Variants in ENTREP2 observed in about 807,000 individuals in gnomAD.
ENTREP2 encodes the protein protein ENTREP2.
the ENTREP2 span, among the ~76,000 whole-genome samples, chr15:29,288,087 G>A: frequency 2.2e-4 from 33 of 152,116 alleles, no homozygotes; most frequent in African/African-American, 7.2e-4. Context: ...ATTTACTTTC[G>A]GTAAACTGTA....
At chr15:29,209,421 C>T in the ENTREP2 span, among the ~76,000 whole-genome samples, 1 of 152,092 alleles carries the variant, frequency 6.6e-6, no homozygotes, top group East Asian at 1.9e-4. Context: ...GATATCACTT[C>T]AACCCAGGAG....
chr15:29,614,726 T>A, the ENTREP2 span, among the ~76,000 whole-genome samples: 1 of 152,138 alleles, frequency 6.6e-6, no homozygotes. Flanking sequence ...GTCCACGTAG[T>A]AGCCAGCACT....
chr15:29,246,925 TA>T, the ENTREP2 span, among the ~76,000 whole-genome samples: 12 of 142,936 alleles, frequency 8.4e-5, no homozygotes, highest in Admixed American at 5.7e-4. Context: ...CCCACGTGTG[TA>T]AAAAAAAATC....
chr15:29,186,665 C>G, the ENTREP2 span, among the ~76,000 whole-genome samples: 1 of 152,318 alleles, frequency 6.6e-6, no homozygotes, highest in Middle Eastern at 3.4e-3. Context: ...GATTCCACAT[C>G]TGACCCATCA....
the ENTREP2 span, among the ~76,000 whole-genome samples, chr15:29,195,516 T>C: frequency 6.6e-6 from 1 of 152,178 alleles, no homozygotes; most frequent in African/African-American, 2.4e-5. Context: ...CACATCTTTT[T>C]ATATTTATTT....
chr15:29,532,631 G>A, the ENTREP2 span, among the ~76,000 whole-genome samples: 1 of 152,148 alleles, frequency 6.6e-6, no homozygotes, highest in Non-Finnish European at 1.5e-5. Flanking sequence ...TAAATGGGTT[G>A]TCCAAGTTAA....
At chr15:29,587,723 G>C in the ENTREP2 span, among the ~76,000 whole-genome samples, 11 of 152,158 alleles carry the variant, frequency 7.2e-5, no homozygotes, top group Non-Finnish European at 1.2e-4. Flanking sequence ...GCAGTGGTAT[G>C]ATCTCAGCTC....
At chr15:29,387,026 C>T in the ENTREP2 span, among the ~76,000 whole-genome samples, 1 of 152,122 alleles carries the variant, frequency 6.6e-6, no homozygotes, top group Non-Finnish European at 1.5e-5. Flanking sequence ...CCAGAACTTC[C>T]AACACTATGT....
the ENTREP2 span, among the ~76,000 whole-genome samples, chr15:29,137,760 C>T: frequency 2.0e-5 from 3 of 152,240 alleles, no homozygotes; most frequent in South Asian, 4.2e-4. Context: ...TGCTTGAACC[C>T]GGGAGGCGGA....
At chr15:29,125,912 T>A in the ENTREP2 span, among the ~76,000 whole-genome samples, 87,954 of 152,094 alleles carry the variant, frequency 0.58, 29,580 homozygotes, top group Middle Eastern at 0.79. Context: ...CTCCAGCTGA[T>A]GACACCCCCA....
chr15:29,135,949 C>A, the ENTREP2 span, among the ~76,000 whole-genome samples: 7 of 152,152 alleles, frequency 4.6e-5, no homozygotes, highest in Non-Finnish European at 1.0e-4. This position sits in a 1 kb window ranked among gnomAD's most constrained non-coding sequence, Gnocchi z 7.4. Context: ...GGGGCTCTCC[C>A]CTTGGGTCAG....
At chr15:29,275,876 C>T in the ENTREP2 span, among the ~76,000 whole-genome samples, 3 of 152,326 alleles carry the variant, frequency 2.0e-5, no homozygotes, top group East Asian at 5.8e-4. Flanking sequence ...ATGAGCTGTT[C>T]TCTGCCTTTT....
At chr15:29,271,632 T>C in the ENTREP2 span, among the ~76,000 whole-genome samples, 1 of 152,090 alleles carries the variant, frequency 6.6e-6, no homozygotes, top group South Asian at 2.1e-4. Context: ...GTTCTGTTTC[T>C]CTCTGACCAC....
At chr15:29,276,871 G>A in the ENTREP2 span, among the ~76,000 whole-genome samples, 1 of 152,170 alleles carries the variant, frequency 6.6e-6, no homozygotes, top group African/African-American at 2.4e-5. Context: ...TTGGAGCTAG[G>A]GAAGGTTAAA....
At chr15:29,221,358 C>G in the ENTREP2 span, among the ~76,000 whole-genome samples, 8 of 151,582 alleles carry the variant, frequency 5.3e-5, no homozygotes, top group Non-Finnish European at 1.2e-4. Flanking sequence ...CCCACCACCA[C>G]GCCCAGCTAA....
At chr15:29,133,681 T>C in the ENTREP2 span, among the ~76,000 whole-genome samples, 1 of 152,212 alleles carries the variant, frequency 6.6e-6, no homozygotes, top group Non-Finnish European at 1.5e-5. Flanking sequence ...CCCTGTAGCC[T>C]GTCGTGTGTG....
the ENTREP2 span, among the ~76,000 whole-genome samples, chr15:29,185,104 T>C: frequency 6.6e-6 from 1 of 151,818 alleles, no homozygotes; most frequent in Non-Finnish European, 1.5e-5. Context: ...AGTTATTAGC[T>C]AGTTCAACAT....
chr15:29,487,122 T>C, the ENTREP2 span, among the ~76,000 whole-genome samples: 4 of 152,234 alleles, frequency 2.6e-5, no homozygotes, highest in African/African-American at 7.2e-5. Context: ...TATACACATA[T>C]TGAAATATCA....
the ENTREP2 span, among the ~76,000 whole-genome samples, chr15:29,377,736 G>A: frequency 2.0e-5 from 3 of 151,608 alleles, no homozygotes; most frequent in East Asian, 3.9e-4. Flanking sequence ...CAAGAGAATC[G>A]CTTGAACCCG....
Sources: allele counts gnomAD v4.1 joint callset (sites outside exome capture counted in the v4.1 genomes callset), GRCh38; gene constraint gnomAD v4.1.1; non-coding constraint Gnocchi (gnomAD v3.1); transcripts MANE v1.5; gene names NCBI Gene and HGNC (gene_info 2026-07-23, HGNC 2026-07-21).